ADAM10: variants seen among roughly 807,000 people sequenced by gnomAD.
The protein encoded by ADAM10 is disintegrin and metalloproteinase domain-containing protein 10.
ADAM10 carries 17 observed loss-of-function variants against 90.1 expected under a neutral mutation model. The observed-to-expected ratio is 0.19, with a 90% CI of 0.13 to 0.28. The LOEUF is 0.28. Among genes scored for constraint, ADAM10 ranks in the 10% least tolerant of loss-of-function variants. ADAM10 has a pLI of 1.00. For synonymous variants in ADAM10, 310 were observed against 298.6 expected (o/e 1.04, Z -0.40); for missense variants, 610 against 914.3 (o/e 0.67, Z 4.29).
At position 58,736,195 on chromosome 15, in the gene ADAM10, T is replaced by G. The variant is rs1354705682; in HGVS notation, c.55+13285A>C. Reference sequence around the variant, plus strand: ...ATGCAGTAACCTCAAGGCTATGTTATTGTGCTATTATTCCTACATAAAAAC... The same window carrying G: ...ATGCAGTAACCTCAAGGCTATGTTAGTGTGCTATTATTCCTACATAAAAAC... On this transcript the variant is annotated intron_variant, in intron 1 of 15. Transcript: ENST00000260408. Among the ~76,000 whole-genome samples the G allele has an allele frequency of 5.9e-5, 9 of 152,186 alleles. No individual in the cohort carries two copies. The East Asian group carries it at 1.7e-3, about 29-fold the overall frequency.
intron 1 of ADAM10, chr15:58,732,143 T>C (rs1370779382): frequency 1.3e-5 from 2 of 152,006 alleles, no homozygotes; most frequent in Admixed American, 1.3e-4. Flanking sequence ...GTACTGAGAG[T>C]AGGGAGGCCT....
rs563035639 is a variant in ADAM10 at position 58,622,431 on chromosome 15, G to T, written c.1361-810C>A. Among the ~76,000 whole-genome samples the T allele has an allele frequency of 2.1e-4, 32 of 152,170 alleles. No homozygotes were observed. The South Asian group carries it at 5.6e-3, about 27-fold the overall frequency. ...GACAGGTCTCTTATGTTCTTTTAAC[G>T]TGTAATAGATTTCTCCATTTTTATT... On this transcript the variant is annotated intron_variant, in intron 10 of 15. Transcript: ENST00000260408.
At chr15:58,657,587 T>G (rs1377864962) in intron 5 of ADAM10, among the ~76,000 whole-genome samples, 1 of 152,254 alleles carries the variant, frequency 6.6e-6, no homozygotes, top group Non-Finnish European at 1.5e-5. Flanking sequence ...GTATTCCGAA[T>G]TCCTTCTCTG....
At chr15:58,637,366 C>A (rs1224940152) in intron 8 of ADAM10, among the ~76,000 whole-genome samples, 1 of 152,044 alleles carries the variant, frequency 6.6e-6, no homozygotes, top group Non-Finnish European at 1.5e-5. Context: ...ACTGATAAGA[C>A]CTATAGGTAG....
intron 10 of ADAM10, among the ~76,000 whole-genome samples, chr15:58,626,887 T>C (rs1895964561): frequency 6.6e-6 from 1 of 152,168 alleles, no homozygotes; most frequent in African/African-American, 2.4e-5. Flanking sequence ...GTGAATGTAA[T>C]TGATTACATT....
intron 1 of ADAM10, among the ~76,000 whole-genome samples, chr15:58,737,829 G>A (rs1009594136): frequency 6.6e-6 from 1 of 152,106 alleles, no homozygotes; most frequent in African/African-American, 2.4e-5. Context: ...AAAAAATACG[G>A]AATGAAAATT....
chr15:58,673,749 T>TG (rs1249478479), intron 4 of ADAM10, among the ~76,000 whole-genome samples: 1 of 151,912 alleles, frequency 6.6e-6, no homozygotes, highest in Admixed American at 6.6e-5. Context: ...CTTTTTTTTT[T>TG]TCTGAGACAG....
intron 5 of ADAM10, among the ~76,000 whole-genome samples, chr15:58,656,653 C>T (rs1172958219): frequency 6.6e-6 from 1 of 151,902 alleles, no homozygotes; most frequent in African/African-American, 2.4e-5. Flanking sequence ...CTATTCATGC[C>T]TTATTGTAGT....
intron 4 of ADAM10, chr15:58,676,226 C>A: frequency 4.5e-6 from 2 of 448,304 alleles, no homozygotes; most frequent in South Asian, 1.6e-5. Flanking sequence ...CAGAAGAGCA[C>A]AGGGTAAAGA....
intron 4 of ADAM10, among the ~76,000 whole-genome samples, chr15:58,668,435 A>T (rs2140733493): frequency 6.6e-6 from 1 of 152,252 alleles, no homozygotes; most frequent in South Asian, 2.1e-4. Context: ...AGAACATGCG[A>T]ATCTCTTTTC....
At chr15:58,731,832 T>C (rs192107646) in intron 1 of ADAM10, among the ~76,000 whole-genome samples, 1 of 152,184 alleles carries the variant, frequency 6.6e-6, no homozygotes, top group African/African-American at 2.4e-5. Context: ...CCATGACATG[T>C]GCGGCCTGGT....
chr15:58,595,905 G>A lies in ADAM10; in HGVS notation c.*1642C>T, dbSNP rs1334559444. ...ACTTGTTTGTTTAGAATTATTTATA[G>A]TCTATCTGGGGTTTCATGTACAAAA... is the stretch of plus-strand genomic sequence containing the variant. On this transcript the variant is annotated 3_prime_UTR_variant, in exon 16 of 16. Transcript: ENST00000260408. The A allele has an allele frequency of 2.0e-5, 3 of 152,002 alleles. No homozygotes were observed. The highest frequency in any genetic ancestry group is 4.4e-5 in the Non-Finnish European group (3 of 67,958). 9.4% of individuals were successfully genotyped at this position (152,002 alleles called of 1,614,324 possible).
chr15:58,639,963 T>A (rs1474044977), intron 8 of ADAM10, among the ~76,000 whole-genome samples: 5 of 151,942 alleles, frequency 3.3e-5, no homozygotes, highest in African/African-American at 1.2e-4. Context: ...GAAGATAATA[T>A]ACTATTGATT....
At chr15:58,620,471 C>CAA (rs879504526) in intron 11 of ADAM10, among the ~76,000 whole-genome samples, 1 of 128,416 alleles carries the variant, frequency 7.8e-6, no homozygotes, top group Middle Eastern at 3.5e-3. Context: ...GACTCCATCT[C>CAA]AAAAAAAAAA....
chr15:58,698,725 A>C (rs908772759), intron 2 of ADAM10, among the ~76,000 whole-genome samples: 2 of 152,182 alleles, frequency 1.3e-5, no homozygotes, highest in African/African-American at 4.8e-5. Flanking sequence ...TCACAACTTT[A>C]AGACAGGTAT....
At chr15:58,599,332 CAAG>C (rs1895048917) in intron 15 of ADAM10, among the ~76,000 whole-genome samples, 1 of 145,312 alleles carries the variant, frequency 6.9e-6, no homozygotes, top group South Asian at 2.2e-4. Context: ...AAAAAAAAAA[CAAG>C]AAAACAAATA....
intron 11 of ADAM10, among the ~76,000 whole-genome samples, chr15:58,613,250 G>A (rs1459483272): frequency 6.6e-6 from 1 of 152,120 alleles, no homozygotes; most frequent in African/African-American, 2.4e-5. Context: ...CCTGGAAAAA[G>A]AAGCACCACA....
intron 1 of ADAM10, among the ~76,000 whole-genome samples, chr15:58,730,390 A>C (rs1168838653): frequency 6.6e-6 from 1 of 152,254 alleles, no homozygotes; most frequent in East Asian, 1.9e-4. Context: ...CATATTTTCT[A>C]TCTCTGCTTT....
intron 14 of ADAM10, among the ~76,000 whole-genome samples, chr15:58,606,344 T>C (rs1232453647): frequency 1.3e-5 from 2 of 152,238 alleles, no homozygotes; most frequent in Admixed American, 6.5e-5. Context: ...TACTAAACTT[T>C]TGGTTACTTT....
Sources: allele counts gnomAD v4.1 joint callset (sites outside exome capture counted in the v4.1 genomes callset), GRCh38; gene constraint gnomAD v4.1.1; transcripts MANE v1.5; gene names NCBI Gene and HGNC (gene_info 2026-07-23, HGNC 2026-07-21).